The following GRK7 variants were observed in gnomAD, a reference collection of about 807,000 sequenced individuals.
The protein encoded by GRK7 is G protein-coupled receptor kinase 7.
Under a neutral mutation model 34.1 loss-of-function variants are expected in GRK7, and 24 were observed. The observed-to-expected ratio is 0.70, with a 90% CI of 0.51 to 0.99. The LOEUF is 0.99. Ranked by LOEUF, GRK7 falls within the 50% of genes least tolerant of loss-of-function variation. The probability of loss-of-function intolerance (pLI) is 0.00; values close to 1 mark genes in which losing one functional copy is unlikely to be tolerated. For missense variants in GRK7, 644 were observed against 707.3 expected (o/e 0.91, Z 1.02); for synonymous variants, 256 against 279.4 (o/e 0.92, Z 0.84).
chr3:141,818,253 A>G lies in GRK7; in HGVS notation c.*1203A>G, dbSNP rs916512201. On this transcript the variant is annotated 3_prime_UTR_variant, in exon 6 of 6. Transcript: ENST00000682958. ...TTCCAGCACTTTGGGAGGCCAAGGC[A>G]GATGGATCATGAGGTCAGGGGCTCA... is the stretch of plus-strand genomic sequence containing the variant. 5 of 152,210 alleles carry G rather than the reference A, an allele frequency of 3.3e-5. No individual in the cohort carries two copies. Among genetic ancestry groups the G allele is most frequent in the Admixed American group, 3.3e-4 (5 of 15,258 alleles). The allele number at this position is 152,210 out of a possible 1,614,324, so 9.4% of individuals were successfully genotyped here.
At chr3:141,801,088 A>T (rs1577923276) in intron 4 of GRK7, among the ~76,000 whole-genome samples, 1 of 152,092 alleles carries the variant, frequency 6.6e-6, no homozygotes, top group Non-Finnish European at 1.5e-5. Flanking sequence ...AGGCGGGCGG[A>T]TCACAAGGTC....
At chr3:141,750,377 A>T in the GRK7 span, among the ~76,000 whole-genome samples, 1 of 152,224 alleles carries the variant, frequency 6.6e-6, no homozygotes, top group Non-Finnish European at 1.5e-5. Flanking sequence ...AATTAAGACT[A>T]CAGTTTCATA....
Position 141,763,933 on chromosome 3 carries a change from C to A in GRK7, c.-2020C>A, listed in dbSNP as rs1165236890. 6.6e-6 allele frequency among the ~76,000 whole-genome samples: 1 copy of A among 152,150 alleles called. No homozygotes were observed. Among genetic ancestry groups the A allele is most frequent in the Non-Finnish European group, 1.5e-5 (1 of 68,036 alleles). On this transcript the variant is annotated 5_prime_UTR_variant, in exon 1 of 6. Transcript: ENST00000682958. ...TGGTTCTCCCCCAAGGACACTGTTTCTTCTGCAACACTTCTGCTCCCCTCA... is the reference window on the plus strand; with the variant it reads ...TGGTTCTCCCCCAAGGACACTGTTTATTCTGCAACACTTCTGCTCCCCTCA...
intron 1 of GRK7, among the ~76,000 whole-genome samples, chr3:141,771,201 ATGTGTG>A (rs1272044025): frequency 6.6e-6 from 1 of 151,836 alleles, no homozygotes; most frequent in Admixed American, 6.6e-5. Flanking sequence ...AAGAAAATGT[ATGTGTG>A]TGTGCACGTG....
In GRK7 at chr3:141,807,931, T is replaced by A. The variant is rs1711053925; in HGVS notation, c.1325+12T>A. ...CGCTTAGGAAGCAGGTAAACTAGCA[T>A]GTAACAGAGAGGATTGCTGACACCA... On this transcript the variant is annotated intron_variant, in intron 5 of 5. Coordinates refer to ENST00000682958, the MANE Select transcript of GRK7 (RefSeq NM_139209.3). The A allele has an allele frequency of 6.4e-7, 1 of 1,562,186 alleles. No homozygotes were observed. Among genetic ancestry groups the A allele is most frequent in the African/African-American group, 1.4e-5 (1 of 73,400 alleles).
intron 4 of GRK7, among the ~76,000 whole-genome samples, chr3:141,783,307 C>T (rs567428915): frequency 3.3e-5 from 5 of 152,242 alleles, no homozygotes; most frequent in South Asian, 4.2e-4. Context: ...TATAATTAAG[C>T]GATTATAATT....
At chr3:141,791,760 T>C (rs202186633) in intron 4 of GRK7, among the ~76,000 whole-genome samples, 1 of 152,052 alleles carries the variant, frequency 6.6e-6, no homozygotes, top group Non-Finnish European at 1.5e-5. Flanking sequence ...TCCCAGCACT[T>C]TGGGAGGCCA....
intron 5 of GRK7, among the ~76,000 whole-genome samples, chr3:141,811,329 T>C: frequency 6.6e-6 from 1 of 151,576 alleles, no homozygotes; most frequent in East Asian, 1.9e-4. Flanking sequence ...AAAAAAAAAT[T>C]AAAAAAACAA....
At chr3:141,814,436 C>G (rs911804760) in intron 5 of GRK7, among the ~76,000 whole-genome samples, 2 of 152,132 alleles carry the variant, frequency 1.3e-5, no homozygotes, top group Admixed American at 1.3e-4. Flanking sequence ...TCCATGTTTA[C>G]CCAATGTTTA....
intron 4 of GRK7, among the ~76,000 whole-genome samples, chr3:141,802,920 C>T (rs1401682081): frequency 6.6e-6 from 1 of 152,114 alleles, no homozygotes; most frequent in Non-Finnish European, 1.5e-5. Context: ...CATCACATCC[C>T]CCTTCCCTCA....
At chr3:141,811,329 TA>T (rs939138271) in intron 5 of GRK7, among the ~76,000 whole-genome samples, 8 of 151,576 alleles carry the variant, frequency 5.3e-5, no homozygotes, top group African/African-American at 1.9e-4. Context: ...AAAAAAAAAT[TA>T]AAAAAACAAA....
chr3:141,782,578 T>A (rs942964201), intron 4 of GRK7, among the ~76,000 whole-genome samples: 1 of 152,090 alleles, frequency 6.6e-6, no homozygotes, highest in South Asian at 2.1e-4. Context: ...CAGAGGGCAC[T>A]GCTGAGTCAC....
chr3:141,781,740 T>C (rs1388638429), intron 4 of GRK7, among the ~76,000 whole-genome samples: 8 of 152,196 alleles, frequency 5.3e-5, no homozygotes, highest in Non-Finnish European at 1.0e-4. Context: ...TGATGTTTAT[T>C]TTAATCAGTT....
chr3:141,816,546 G>A (rs1033949449), intron 5 of GRK7, among the ~76,000 whole-genome samples, 168 bp from the exon 6 acceptor site: 2 of 152,074 alleles, frequency 1.3e-5, no homozygotes, highest in Non-Finnish European at 2.9e-5. Flanking sequence ...CGGGAATTTG[G>A]GGTGATTTCA....
In GRK7 at chr3:141,778,777, G is replaced by A. The variant is rs754472954; in HGVS notation, c.493G>A (p.Asp165Asn). 3 of 1,608,062 alleles carry A rather than the reference G, an allele frequency of 1.9e-6. No homozygotes were observed. The highest frequency in any genetic ancestry group is 1.7e-5 in the Admixed American group (1 of 58,658). Residue 165 changes from aspartate (D) to asparagine (N), a missense_variant, in exon 3 of 6, where the codon GAT (aspartate) becomes AAT (asparagine). By Grantham distance (23) the Asp-to-Asn change is conservative. Transcript: ENST00000682958. The surrounding 1 kb of genome is among the most constrained non-coding windows in gnomAD (Gnocchi z 4.1). Reference protein sequence around the residue: ...MAFLQEQPFKDFVTSAFYDKF... With the variant: ...MAFLQEQPFKNFVTSAFYDKF... ...TTTCTTGCAAGAGCAGCCCTTTAAG[G>A]ATTTCGTGACCAGCGCCTTCTACGA...
intron 4 of GRK7, among the ~76,000 whole-genome samples, chr3:141,804,822 C>T (rs1369768921): frequency 2.0e-5 from 3 of 151,262 alleles, no homozygotes; most frequent in Admixed American, 2.0e-4. Context: ...TACAAACATG[C>T]TCACATACAC....
rs1711160351 is a variant in GRK7, at chr3:141,816,884, A to G, written c.1496A>G (p.Asp499Gly). 1.2e-5 allele frequency: 20 copies of G among 1,614,154 alleles called. No homozygotes were observed. The highest frequency in any genetic ancestry group is 1.4e-5 in the Non-Finnish European group (17 of 1,180,028). Reference protein sequence around the residue: ...FSEVRGVEFDDKDKQFFKNFA... With the variant: ...FSEVRGVEFDGKDKQFFKNFA... ...GAGGTTCGGGGGGTGGAATTTGATG[A>G]CAAAGATAAGCAGTTCTTCAAAAAC... The change falls in exon 6 of 6, where the codon GAC becomes GGC. Residue 499 changes from aspartate to glycine, a missense_variant. Physicochemically the swap from Asp to Gly is moderately conservative, Grantham distance 94 (BLOSUM62 -1). Coordinates refer to ENST00000682958, the MANE Select transcript of GRK7 (RefSeq NM_139209.3).
intron 3 of GRK7, among the ~76,000 whole-genome samples, chr3:141,779,289 G>A (rs950077273): frequency 6.6e-6 from 1 of 151,974 alleles, no homozygotes; most frequent in Non-Finnish European, 1.5e-5. Context: ...GTGGTGACAT[G>A]CCTGTAATCC....
chr3:141,786,540 G>C (rs893394203), intron 4 of GRK7, among the ~76,000 whole-genome samples: 4 of 152,108 alleles, frequency 2.6e-5, no homozygotes, highest in Non-Finnish European at 4.4e-5. Context: ...CACTTTGGGA[G>C]GCTGAGGCAG....
Sources: allele counts gnomAD v4.1 joint callset (sites outside exome capture counted in the v4.1 genomes callset), GRCh38; gene constraint gnomAD v4.1.1; non-coding constraint Gnocchi (gnomAD v3.1); transcripts MANE v1.5; gene names NCBI Gene and HGNC (gene_info 2026-07-23, HGNC 2026-07-21).